Variants in IFTAP observed in about 807,000 individuals in gnomAD.
IFTAP encodes intraflagellar transport associated protein, also known as intraflagellar transport-associated protein.
A neutral mutation model predicts 19.4 loss-of-function variants in IFTAP; 19 were observed. That is an observed-to-expected ratio of 0.98 (90% confidence interval 0.68 to 1.44). IFTAP has a LOEUF of 1.44. IFTAP is among the 40% of genes most tolerant of loss of function. The probability of loss-of-function intolerance (pLI) is 0.00; values close to 1 mark genes in which losing one functional copy is unlikely to be tolerated. For missense variants in IFTAP, 240 were observed against 253.6 expected (o/e 0.95, Z 0.36); for synonymous variants, 85 against 83.5 (o/e 1.02, Z -0.10).
At chr11:36,620,609 T>C (rs1852254498) in intron 2 of IFTAP, among the ~76,000 whole-genome samples, 2 of 152,024 alleles carry the variant, frequency 1.3e-5, no homozygotes, top group African/African-American at 4.8e-5. Context: ...ATTTGGTTCA[T>C]AGATAATCAT....
At chr11:36,655,515 GACTAGA>G (rs1853939736) in intron 5 of IFTAP, among the ~76,000 whole-genome samples, 1 of 152,142 alleles carries the variant, frequency 6.6e-6, no homozygotes, top group Non-Finnish European at 1.5e-5. Flanking sequence ...CTAACACAGT[GACTAGA>G]ATTTAATAGG....
rs1268972541 is a variant in IFTAP, at chr11:36,633,426, T to G, written c.279T>G (p.Cys93Trp). The G allele has an allele frequency of 6.3e-7, 1 of 1,592,416 alleles. No individual in the cohort carries two copies. Among genetic ancestry groups the G allele is most frequent in the East Asian group, 2.3e-5 (1 of 44,256 alleles). The change falls in exon 3 of 6, where the codon TGT (cysteine) becomes TGG (tryptophan). Residue 93 changes from cysteine (C) to tryptophan (W), a missense_variant. Transcript: ENST00000334307. ...TCTTTCTTCGTACTTCATCACAATG[T>G]TTGGAAGAACAGGTAATACCAACAT... is the stretch of plus-strand genomic sequence containing the variant. The part of the protein sequence containing the change: ...KTIFLRTSSQ[C>W]LEEQVDNFLD...
At chr11:36,611,236 C>G (rs76761232) in intron 2 of IFTAP, among the ~76,000 whole-genome samples, 1,817 of 152,188 alleles carry the variant, frequency 0.012, 22 homozygotes, top group East Asian at 0.03. Context: ...TCAGCTTGCT[C>G]TCAACCTTGA....
chr11:36,637,965 C>G (rs908649620), intron 4 of IFTAP, among the ~76,000 whole-genome samples: 1 of 152,048 alleles, frequency 6.6e-6, no homozygotes, highest in Middle Eastern at 3.4e-3. Flanking sequence ...ACTGCAACCT[C>G]TGCCTCTCAG....
chr11:36,627,878 TA>T (rs1314349847), intron 2 of IFTAP, among the ~76,000 whole-genome samples: 1 of 151,324 alleles, frequency 6.6e-6, no homozygotes, highest in Non-Finnish European at 1.5e-5. Flanking sequence ...AAATTATATG[TA>T]AAAGTATAGT....
intron 4 of IFTAP, among the ~76,000 whole-genome samples, chr11:36,638,159 C>T (rs1189257976): frequency 6.6e-6 from 1 of 152,022 alleles, no homozygotes; most frequent in South Asian, 2.1e-4. Flanking sequence ...CACCGCCCGC[C>T]CGAGTGCTAG....
At chr11:36,644,477 G>C (rs1454643969) in intron 4 of IFTAP, among the ~76,000 whole-genome samples, 1 of 152,194 alleles carries the variant, frequency 6.6e-6, no homozygotes, top group Non-Finnish European at 1.5e-5. Context: ...AAGACCATTT[G>C]ACCCAGCTAT....
At chr11:36,642,931 C>T (rs1420328233) in intron 4 of IFTAP, among the ~76,000 whole-genome samples, 1 of 152,132 alleles carries the variant, frequency 6.6e-6, no homozygotes, top group African/African-American at 2.4e-5. Context: ...GGAAGCATTC[C>T]CTTTGAAAAC....
At chr11:36,649,283 G>A (rs1853611181) in intron 5 of IFTAP, among the ~76,000 whole-genome samples, 2 of 152,080 alleles carry the variant, frequency 1.3e-5, no homozygotes, top group African/African-American at 4.8e-5. Flanking sequence ...GTATATCCAG[G>A]ATGCGTGCAG....
At chr11:36,644,993 TATAATAATA>T (rs149070033) in intron 4 of IFTAP, among the ~76,000 whole-genome samples, 3 of 150,240 alleles carry the variant, frequency 2.0e-5, no homozygotes, top group Non-Finnish European at 4.4e-5. Flanking sequence ...GAATTTAAAG[TATAATAATA>T]ATAATAATAA....
intron 2 of IFTAP, among the ~76,000 whole-genome samples, chr11:36,614,488 C>T (rs1337560016): frequency 2.0e-4 from 29 of 148,610 alleles, no homozygotes; most frequent in Admixed American, 4.0e-4. Flanking sequence ...CCTGAGGAAT[C>T]GCCACACTGA....
chr11:36,633,590 G>A lies in IFTAP; in HGVS notation c.291+152G>A, dbSNP rs534433861. 4 of 524,790 alleles carry A rather than the reference G, an allele frequency of 7.6e-6. No individual in the cohort carries two copies. In the African/African-American group the frequency reaches 7.9e-5, roughly 10 times the overall value. 32.5% of individuals were successfully genotyped at this position (524,790 alleles called of 1,614,324 possible). A position where few individuals can be genotyped will look rare whatever the true frequency, so the allele number is the denominator to read the frequency against. On this transcript the variant is annotated intron_variant, in intron 3 of 5. Transcript: ENST00000334307. Reference sequence around the variant, plus strand: ...GTGCCATTGGGGCACTTTATTGAAAGTCATCATTACATATATTTCATAATG... The same window carrying A: ...GTGCCATTGGGGCACTTTATTGAAAATCATCATTACATATATTTCATAATG...
In IFTAP at chr11:36,659,020, T is replaced by C. The variant is rs1257914212; in HGVS notation, c.500T>C (p.Ile167Thr). 3.2e-6 allele frequency: 5 copies of C among 1,586,422 alleles called. No homozygotes were observed. Among genetic ancestry groups the C allele is most frequent in the Non-Finnish European group, 4.3e-6 (5 of 1,164,784 alleles). The change falls in exon 6 of 6, where the codon ATA becomes ACA. Residue 167 changes from isoleucine (I) to threonine (T), a missense_variant and splice_region_variant. By Grantham distance (89) the Ile-to-Thr change is moderately conservative. Transcript: ENST00000334307. Reference protein sequence around the residue: ...VKRMDKQTEEILGDEVQLFSL... With the variant: ...VKRMDKQTEETLGDEVQLFSL... ...TTCCTCCTTTGTTACCTTTTATAGA[T>C]ACTTGGAGATGAAGTTCAACTTTTT... is the stretch of plus-strand genomic sequence containing the variant.
intron 5 of IFTAP, among the ~76,000 whole-genome samples, chr11:36,655,424 A>G (rs1052521660): frequency 1.3e-4 from 20 of 152,142 alleles, no homozygotes; most frequent in African/African-American, 4.8e-4. Flanking sequence ...TTCTTACCAC[A>G]TTTTACTCTA....
chr11:36,652,078 A>G (rs1202531623), intron 5 of IFTAP, among the ~76,000 whole-genome samples: 1 of 152,134 alleles, frequency 6.6e-6, no homozygotes, highest in Non-Finnish European at 1.5e-5. Context: ...GTTTTTTCCA[A>G]TTCTGTGAAG....
chr11:36,635,936 GA>G (rs1271693110), intron 3 of IFTAP, 114 bp from the exon 4 acceptor site: 2 of 716,578 alleles, frequency 2.8e-6, no homozygotes, highest in East Asian at 2.7e-5. Flanking sequence ...GAGTTAATGA[GA>G]AAAGTGGATT....
chr11:36,610,440 T>G (rs1027534203), intron 2 of IFTAP, among the ~76,000 whole-genome samples: 2 of 152,178 alleles, frequency 1.3e-5, no homozygotes, highest in African/African-American at 2.4e-5. Flanking sequence ...ATCCAAGAGT[T>G]GTGTGATGGT....
At chr11:36,647,497 A>G (rs1349123850) in intron 4 of IFTAP, among the ~76,000 whole-genome samples, 1 of 152,158 alleles carries the variant, frequency 6.6e-6, no homozygotes, top group African/African-American at 2.4e-5. Context: ...TGAAAATTAG[A>G]CCATGCATTC....
intron 4 of IFTAP, among the ~76,000 whole-genome samples, chr11:36,642,720 C>T (rs979265249): frequency 4.6e-5 from 7 of 152,012 alleles, no homozygotes; most frequent in African/African-American, 1.2e-4. Flanking sequence ...AATCAATAAA[C>T]GTAATCCAGC....
Sources: gnomAD v4.1 joint callset for allele counts (sites outside exome capture counted in the v4.1 genomes callset) on GRCh38, gnomAD v4.1.1 for gene constraint, MANE v1.5 for transcripts, NCBI Gene and HGNC (gene_info 2026-07-23, HGNC 2026-07-21) for gene names.